The following RASAL2 variants were observed in gnomAD, a reference collection of about 807,000 sequenced individuals.
The protein encoded by RASAL2 is RAS protein activator like 2, also known as ras GTPase-activating protein nGAP.
Under a neutral mutation model 128.9 loss-of-function variants are expected in RASAL2, and 58 were observed. The observed-to-expected ratio is 0.45, with a 90% CI of 0.36 to 0.56. The LOEUF (loss-of-function observed/expected upper bound fraction) is 0.56, where lower values mean the gene tolerates loss of function less well. Ranked by LOEUF, RASAL2 falls within the 20% of genes least tolerant of loss-of-function variation. The pLI, the probability that RASAL2 is intolerant of heterozygous loss-of-function variation, is 0.00. For synonymous variants in RASAL2, 561 were observed against 580.8 expected (o/e 0.97, Z 0.49); for missense variants, 1,360 against 1,601.6 (o/e 0.85, Z 2.57).
intron 1 of RASAL2, among the ~76,000 whole-genome samples, chr1:178,134,771 A>C (rs1660258449): frequency 6.6e-6 from 1 of 152,238 alleles, no homozygotes; most frequent in Admixed American, 6.5e-5. Flanking sequence ...ACAATAAATG[A>C]ACATGGTTTT....
At chr1:178,112,473 C>G (rs1365875777) in intron 1 of RASAL2, among the ~76,000 whole-genome samples, 1 of 151,878 alleles carries the variant, frequency 6.6e-6, no homozygotes, top group Admixed American at 6.6e-5. Context: ...TTGCTTGAAC[C>G]CGGGAGGTGG....
intron 1 of RASAL2, among the ~76,000 whole-genome samples, chr1:178,107,836 A>AT (rs1444409041): frequency 1.3e-5 from 2 of 152,080 alleles, no homozygotes; most frequent in East Asian, 3.9e-4. Context: ...TGTATAAACT[A>AT]TATTTTTTAT....
At chr1:178,468,422 G>T (rs1647955591) in intron 17 of RASAL2, among the ~76,000 whole-genome samples, 1 of 152,122 alleles carries the variant, frequency 6.6e-6, no homozygotes, top group Non-Finnish European at 1.5e-5. Context: ...ATATTTTAGA[G>T]CCCCCAGTAT....
chr1:178,181,808 G>A (rs1389473343), intron 1 of RASAL2, among the ~76,000 whole-genome samples: 5 of 151,332 alleles, frequency 3.3e-5, no homozygotes, highest in Non-Finnish European at 5.9e-5. Flanking sequence ...GTTAGACTCA[G>A]TTTAAGGTTT....
intron 4 of RASAL2, among the ~76,000 whole-genome samples, chr1:178,404,039 A>C (rs2102670317): frequency 6.6e-6 from 1 of 152,132 alleles, no homozygotes; most frequent in South Asian, 2.1e-4. Flanking sequence ...AGCCTGTCCA[A>C]CATGCCGAAA....
intron 3 of RASAL2, among the ~76,000 whole-genome samples, chr1:178,350,074 C>T (rs1670378128): frequency 6.6e-6 from 1 of 152,210 alleles, no homozygotes; most frequent in South Asian, 2.1e-4. Context: ...CTAGAGCAAT[C>T]TTCTTCACTA....
chr1:178,344,679 GTGAGAA>G (rs775437242), intron 3 of RASAL2, among the ~76,000 whole-genome samples: 5 of 152,174 alleles, frequency 3.3e-5, no homozygotes, highest in Non-Finnish European at 7.4e-5. Context: ...ATCAGTTGTA[GTGAGAA>G]GGAGAAGGAG....
chr1:178,220,956 T>C (rs1428399511), intron 1 of RASAL2, among the ~76,000 whole-genome samples: 3 of 152,240 alleles, frequency 2.0e-5, no homozygotes, highest in Non-Finnish European at 4.4e-5. Flanking sequence ...GATTGCTGAA[T>C]TGTACGTTAA....
intron 3 of RASAL2, among the ~76,000 whole-genome samples, chr1:178,366,393 TGAGTATCTA>T (rs1388653583): frequency 6.6e-6 from 1 of 152,160 alleles, no homozygotes; most frequent in Admixed American, 6.5e-5. Context: ...TGTTCATTCT[TGAGTATCTA>T]GCATTAATCT....
At position 178,225,764 on chromosome 1, in the gene RASAL2, CAT is replaced by C. The variant is rs140192170; in HGVS notation, c.203-57783_203-57782del. 4.4e-3 allele frequency among the ~76,000 whole-genome samples: 639 copies of C among 146,684 alleles called. 8 individuals are homozygous for C. The highest frequency in any genetic ancestry group is 0.02 in the East Asian group (101 of 5,066). ...CTCCTTTCCTTTCATACTGTACATA[CAT>C]ATATATATATATATATCCTGTATAT... On this transcript the variant is annotated intron_variant, in intron 1 of 17. Transcript: ENST00000367649.
In RASAL2 at chr1:178,458,605, T is replaced by C. The variant is rs1001948832; in HGVS notation, c.3252+61T>C. On this transcript the variant is annotated intron_variant, in intron 14 of 17. Transcript: ENST00000367649. ...TGGTCCATCTGTTTCCTTGGTTCTT[T>C]ATACATAAATCATTGGGAAATCCTA... The C allele has an allele frequency of 1.3e-5, 20 of 1,495,824 alleles. No homozygotes were observed. The African/African-American group carries it at 2.8e-4, about 21-fold the overall frequency. 92.7% of individuals were successfully genotyped at this position (1,495,824 alleles called of 1,614,324 possible).
intron 3 of RASAL2, among the ~76,000 whole-genome samples, chr1:178,382,417 C>G (rs1448109077): frequency 6.6e-6 from 1 of 152,112 alleles, no homozygotes; most frequent in Non-Finnish European, 1.5e-5. Context: ...TGACTTAATT[C>G]TCTTTAAAAT....
At chr1:178,368,618 G>A (rs1235829539) in intron 3 of RASAL2, among the ~76,000 whole-genome samples, 1 of 151,634 alleles carries the variant, frequency 6.6e-6, no homozygotes, top group African/African-American at 2.4e-5. Context: ...GAAAATTATA[G>A]TCAAACATTC....
intron 3 of RASAL2, among the ~76,000 whole-genome samples, chr1:178,388,220 C>A (rs1383085706): frequency 6.6e-6 from 1 of 152,108 alleles, no homozygotes; most frequent in Non-Finnish European, 1.5e-5. Context: ...TGCCTTGCCC[C>A]TAGCCACATA....
chr1:178,354,823 A>G lies in RASAL2; in HGVS notation c.458-35277A>G, dbSNP rs561365706. ...GAAATTTAAGAATAATCTAAAGTAG[A>G]TATATACTACGTTTCTGGAGTTGGA... On this transcript the variant is annotated intron_variant, in intron 3 of 17. Coordinates refer to ENST00000367649, the MANE Select transcript of RASAL2 (RefSeq NM_170692.4). Among the ~76,000 whole-genome samples the G allele has an allele frequency of 1.7e-3, 265 of 152,360 alleles. 3 individuals carry two copies. The highest frequency in any genetic ancestry group is 3.6e-3 in the Admixed American group (55 of 15,312).
At chr1:178,128,997 C>A (rs1455297576) in intron 1 of RASAL2, among the ~76,000 whole-genome samples, 1 of 151,842 alleles carries the variant, frequency 6.6e-6, no homozygotes, top group Non-Finnish European at 1.5e-5. Context: ...TATGAACATT[C>A]ATGTACAAGT....
At chr1:178,414,481 G>A (rs1397988069) in intron 4 of RASAL2, among the ~76,000 whole-genome samples, 7 of 152,194 alleles carry the variant, frequency 4.6e-5, no homozygotes, top group Admixed American at 1.3e-4. Context: ...TGATGTCAAT[G>A]TAGATTCGTC....
At chr1:178,110,788 A>G (rs1659291112) in intron 1 of RASAL2, among the ~76,000 whole-genome samples, 1 of 151,580 alleles carries the variant, frequency 6.6e-6, no homozygotes, top group Admixed American at 6.6e-5. Flanking sequence ...GGGTTTCACC[A>G]TGTTTCCCAG....
At chr1:178,335,326 A>G (rs953739336) in intron 3 of RASAL2, among the ~76,000 whole-genome samples, 6 of 152,168 alleles carry the variant, frequency 3.9e-5, no homozygotes, top group Non-Finnish European at 8.8e-5. Context: ...TTCTTCCTTT[A>G]TATAAAATAT....
Sources: allele counts gnomAD v4.1 joint callset (sites outside exome capture counted in the v4.1 genomes callset), GRCh38; gene constraint gnomAD v4.1.1; transcripts MANE v1.5; gene names NCBI Gene and HGNC (gene_info 2026-07-23, HGNC 2026-07-21).